VPS37A: variants seen among roughly 807,000 people sequenced by gnomAD.
VPS37A encodes VPS37A subunit of ESCRT-I, also known as vacuolar protein sorting-associated protein 37A.
Under a neutral mutation model 49.8 loss-of-function variants are expected in VPS37A, and 30 were observed. The ratio of observed to expected loss-of-function variants is 0.60; its 90% CI spans 0.45 to 0.82. The LOEUF is 0.82. Among genes scored for constraint, VPS37A ranks in the 40% least tolerant of loss-of-function variants. VPS37A has a pLI of 0.00. For missense variants in VPS37A, 593 were observed against 464.4 expected (o/e 1.28, Z -2.55); for synonymous variants, 195 against 160.6 (o/e 1.21, Z -1.62).
intron 2 of VPS37A, among the ~76,000 whole-genome samples, chr8:17,266,305 A>G (rs73200939): frequency 0.067 from 10,131 of 152,254 alleles, 458 homozygotes; most frequent in Non-Finnish European, 0.099. Context: ...TTATATATAT[A>G]AAGCCGTTAG....
At chr8:17,309,150 T>C in the VPS37A span, 51 of 662,702 alleles carry the variant, frequency 7.7e-5, no homozygotes, top group Non-Finnish European at 1.2e-4. Context: ...TACAACAAAA[T>C]TTAAGCTTTC....
chr8:17,269,917 G>T (rs572506420), intron 4 of VPS37A, among the ~76,000 whole-genome samples: 1 of 152,240 alleles, frequency 6.6e-6, no homozygotes, highest in African/African-American at 2.4e-5. Context: ...GGTTTAATTG[G>T]CTCAGGGTTC....
chr8:17,293,606 G>A (rs1002542075), intron 11 of VPS37A, among the ~76,000 whole-genome samples: 2 of 152,046 alleles, frequency 1.3e-5, no homozygotes, highest in Non-Finnish European at 2.9e-5. Context: ...ATCTACCTTT[G>A]TTCTTTGTTG....
intron 5 of VPS37A, among the ~76,000 whole-genome samples, chr8:17,275,220 A>G (rs1814402464): frequency 6.6e-6 from 1 of 152,242 alleles, no homozygotes; most frequent in Non-Finnish European, 1.5e-5. Flanking sequence ...GGACCAAGGT[A>G]GAACTAGTAG....
chr8:17,309,437 G>A, the VPS37A span: 9 of 748,366 alleles, frequency 1.2e-5, no homozygotes, highest in Admixed American at 9.5e-5. Flanking sequence ...CCCCATCCTC[G>A]AGTAACCTGC....
In VPS37A at chr8:17,247,085, G is replaced by C. The variant is rs1811288607; in HGVS notation, c.-160G>C. The C allele has an allele frequency of 1.1e-6, 1 of 932,814 alleles. No homozygotes were observed. Among genetic ancestry groups the C allele is most frequent in the Non-Finnish European group, 1.6e-6 (1 of 634,352 alleles). The allele number at this position is 932,814 out of a possible 1,614,324, so 57.8% of individuals were successfully genotyped here. On this transcript the variant is annotated 5_prime_UTR_variant, in exon 1 of 12. Coordinates refer to ENST00000324849, the MANE Select transcript of VPS37A (RefSeq NM_152415.3). ...TTCGTAGCATGTCCCCCAGAACTCG[G>C]GGAGCGCAGGCAGGACAGGCTTAGA...
At chr8:17,274,510 T>A (rs745477354) in intron 4 of VPS37A, among the ~76,000 whole-genome samples, 54 of 149,708 alleles carry the variant, frequency 3.6e-4, no homozygotes, top group Non-Finnish European at 5.5e-4. Context: ...ATCTTCTTTG[T>A]AGAAACCACA....
intron 5 of VPS37A, among the ~76,000 whole-genome samples, chr8:17,275,258 GTTT>G (rs1455613231): frequency 6.6e-6 from 1 of 152,082 alleles, no homozygotes; most frequent in South Asian, 2.1e-4. Flanking sequence ...TGTGATTCTG[GTTT>G]TTTTCACCAC....
At chr8:17,249,204 A>G (rs1811748860) in intron 1 of VPS37A, among the ~76,000 whole-genome samples, 2 of 152,194 alleles carry the variant, frequency 1.3e-5, no homozygotes, top group Admixed American at 1.3e-4. Context: ...TAAGGCTGGT[A>G]AGTAAGGGAA....
At chr8:17,305,971 C>A, downstream of VPS37A, 1 of 1,587,284 alleles carries the variant, frequency 6.3e-7, no homozygotes, top group Admixed American at 1.7e-5. Flanking sequence ...TAAAACAAAG[C>A]ATTAGAGACT....
chr8:17,266,646 AT>A (rs1813485494), intron 2 of VPS37A, among the ~76,000 whole-genome samples: 1 of 152,228 alleles, frequency 6.6e-6, no homozygotes, highest in Non-Finnish European at 1.5e-5. Flanking sequence ...CAGGAACCTT[AT>A]CATATTCACC....
At chr8:17,274,489 A>G (rs1814313684) in intron 4 of VPS37A, among the ~76,000 whole-genome samples, 1 of 150,788 alleles carries the variant, frequency 6.6e-6, no homozygotes, top group Non-Finnish European at 1.5e-5. Context: ...ATGCTTTCTA[A>G]AGCACCCATC....
chr8:17,276,536 CAT>C, intron 6 of VPS37A, 69 bp downstream of exon 6: 2 of 1,406,804 alleles, frequency 1.4e-6, no homozygotes, highest in South Asian at 2.6e-5. Context: ...ATTATTATTT[CAT>C]ATCCATATAA....
intron 4 of VPS37A, among the ~76,000 whole-genome samples, chr8:17,271,445 A>G (rs1036385038): frequency 6.6e-6 from 1 of 152,094 alleles, no homozygotes; most frequent in East Asian, 1.9e-4. Flanking sequence ...CTCTACTAAA[A>G]ATACAAAAAA....
rs1323300670 is a variant in VPS37A, at chr8:17,281,735, A to AT, written c.969+1298dup. ...ATCAAAAATTCTAGAGAACTGAGAA[A>AT]TTTTTTCCTGTTTGCTCCAGCAATT... is the stretch of plus-strand genomic sequence containing the variant. On this transcript the variant is annotated intron_variant, in intron 9 of 11. Coordinates refer to ENST00000324849, the MANE Select transcript of VPS37A (RefSeq NM_152415.3). 5.9e-5 allele frequency among the ~76,000 whole-genome samples: 9 copies of AT among 152,130 alleles called. No individual in the cohort carries two copies. The East Asian group carries it at 1.5e-3, about 26-fold the overall frequency.
At chr8:17,271,069 C>G (rs912891032) in intron 4 of VPS37A, among the ~76,000 whole-genome samples, 1 of 152,134 alleles carries the variant, frequency 6.6e-6, no homozygotes, top group Non-Finnish European at 1.5e-5. Flanking sequence ...TGAAATCCAA[C>G]TGGGCACATT....
chr8:17,261,034 G>A (rs1421344526), intron 1 of VPS37A, among the ~76,000 whole-genome samples: 2 of 152,134 alleles, frequency 1.3e-5, no homozygotes, highest in Non-Finnish European at 2.9e-5. Flanking sequence ...AAGTTTTTCT[G>A]TGACTATTTC....
At chr8:17,309,395 A>G in the VPS37A span, 4 of 1,057,934 alleles carry the variant, frequency 3.8e-6, no homozygotes, top group East Asian at 9.4e-5. Flanking sequence ...ACAACCAATA[A>G]TGTTGAGGAA....
At chr8:17,326,302 A>G in the VPS37A span, 6 of 152,208 alleles carry the variant, frequency 3.9e-5, no homozygotes, top group East Asian at 3.9e-4. Flanking sequence ...TAAAATGAAG[A>G]TAAGAGTGGC....
Sources: gnomAD v4.1 joint callset for allele counts (sites outside exome capture counted in the v4.1 genomes callset) on GRCh38, gnomAD v4.1.1 for gene constraint, MANE v1.5 for transcripts, NCBI Gene and HGNC (gene_info 2026-07-23, HGNC 2026-07-21) for gene names.